LRRC71: variants seen among roughly 807,000 people sequenced by gnomAD.
LRRC71 encodes leucine-rich repeat-containing protein 71.
Under a neutral mutation model 66.6 loss-of-function variants are expected in LRRC71, and 54 were observed. That is an observed-to-expected ratio of 0.81 (90% CI 0.65 to 1.02). The LOEUF (loss-of-function observed/expected upper bound fraction) is 1.02, where lower values mean the gene tolerates loss of function less well. Ranked by LOEUF, LRRC71 falls within the 50% of genes least tolerant of loss-of-function variation. The probability of loss-of-function intolerance (pLI) is 0.00; values close to 1 mark genes in which losing one functional copy is unlikely to be tolerated. For missense variants in LRRC71, 724 were observed against 718.0 expected (o/e 1.01, Z -0.10); for synonymous variants, 323 against 303.9 (o/e 1.06, Z -0.65).
intron 12 of LRRC71, among the ~76,000 whole-genome samples, 190 bp from the exon 13 acceptor site, chr1:156,931,726 C>G (rs1444533740): frequency 6.6e-6 from 1 of 151,706 alleles, no homozygotes; most frequent in Non-Finnish European, 1.5e-5. Flanking sequence ...GTTACTTTCA[C>G]TTTCTGGCTC....
At chr1:156,930,385 G>A (rs754520241) in intron 11 of LRRC71, 144 bp from the exon 12 acceptor site, 29 of 646,968 alleles carry the variant, frequency 4.5e-5, no homozygotes, top group South Asian at 3.0e-4. Flanking sequence ...GAGCTACAGC[G>A]CCCAGCCCCC....
At chr1:156,927,108 A>G (rs1653318329) in intron 5 of LRRC71, 94 bp from the exon 6 acceptor site, 2 of 1,092,244 alleles carry the variant, frequency 1.8e-6, no homozygotes, top group East Asian at 5.2e-5. Context: ...TCTACTTCCT[A>G]GCTGCTTCCC....
downstream of LRRC71, chr1:156,936,131 T>C: frequency 6.8e-7 from 1 of 1,473,634 alleles, no homozygotes. Flanking sequence ...GTCTAGAAAG[T>C]TCAGGCTCAC....
chr1:156,937,098 G>A (rs1049753132), downstream of LRRC71: 2 of 1,566,498 alleles, frequency 1.3e-6, no homozygotes, highest in African/African-American at 1.4e-5. Flanking sequence ...GGAGGAGGGT[G>A]TGATTTAAGG....
At chr1:156,927,404 A>C (rs1189367142) in intron 6 of LRRC71, 92 bp from the exon 7 acceptor site, 11 of 1,513,866 alleles carry the variant, frequency 7.3e-6, no homozygotes, top group Non-Finnish European at 8.9e-7. Context: ...TCCTCAGACC[A>C]GACCGCCCCC....
chr1:156,940,406 C>A, the LRRC71 span: 16 of 1,606,592 alleles, frequency 1.0e-5, no homozygotes, highest in South Asian at 1.6e-4. Flanking sequence ...TCCCTTGGAC[C>A]CTCTGCTGGG....
chr1:156,931,686 T>G (rs1241808253), intron 12 of LRRC71, among the ~76,000 whole-genome samples: 1 of 152,138 alleles, frequency 6.6e-6, no homozygotes, highest in East Asian at 1.9e-4. Context: ...TGCTCTGAGC[T>G]TGCCTCTGTC....
At chr1:156,936,491 A>ATATATATATAT (rs1553192701), downstream of LRRC71, among the ~76,000 whole-genome samples, 1 of 71,394 alleles carries the variant, frequency 1.4e-5, no homozygotes, top group African/African-American at 6.1e-5. Flanking sequence ...AAAAAAAAAA[A>ATATATATATAT]AAAAAAATAT....
chr1:156,932,625 TTC>T (rs1337580797), intron 14 of LRRC71, 80 bp downstream of exon 14: 6 of 1,613,574 alleles, frequency 3.7e-6, no homozygotes, highest in African/African-American at 1.3e-5. Flanking sequence ...TGCAGGCAGC[TTC>T]TGTCTCCCCA....
downstream of LRRC71, chr1:156,935,930 C>G: frequency 6.5e-7 from 1 of 1,531,666 alleles, no homozygotes; most frequent in Non-Finnish European, 8.9e-7. Context: ...TCCCCCCTAC[C>G]CTGTGCCCCG....
chr1:156,929,165 G>T (rs1653883321), intron 9 of LRRC71, 115 bp from the exon 10 acceptor site: 3 of 1,228,124 alleles, frequency 2.4e-6, no homozygotes, highest in South Asian at 3.0e-5. Context: ...GGAGGTGGGT[G>T]GGAGGGTGCT....
chr1:156,936,850 C>G (rs1292795539), downstream of LRRC71: 6 of 1,613,962 alleles, frequency 3.7e-6, no homozygotes, highest in Non-Finnish European at 5.1e-6. Context: ...CATGGCTGTT[C>G]CTGGAGTCAG....
At chr1:156,928,179 C>G (rs1366265196) in intron 9 of LRRC71, among the ~76,000 whole-genome samples, 175 bp downstream of exon 9, 1 of 152,192 alleles carries the variant, frequency 6.6e-6, no homozygotes, top group Non-Finnish European at 1.5e-5. Flanking sequence ...GCTGGGGGGG[C>G]TCTAATTGCA....
rs1350061985 is a variant in LRRC71 at position 156,930,097 on chromosome 1, CTCT to C, written c.1240+370_1240+372del. On this transcript the variant is annotated intron_variant, in intron 11 of 14. Transcript: ENST00000337428. ...CTTTCTTTTCTTTCTTTCTTTCTCT[CTCT>C]TTTTTTTTTTTTGATGGATTCTCAC... Among the ~76,000 whole-genome samples, 27 of 30,728 alleles carry C rather than the reference CTCT, an allele frequency of 8.8e-4. No homozygotes were observed. In the South Asian group the frequency reaches 0.013, roughly 14 times the overall value. The allele number at this position is 30,728 out of a possible 152,430, so 20.2% of individuals were successfully genotyped here. A position where few individuals can be genotyped will look rare whatever the true frequency, so the allele number is the denominator to read the frequency against.
the LRRC71 span, among the ~76,000 whole-genome samples, chr1:156,938,245 C>T: frequency 6.6e-6 from 1 of 152,170 alleles, no homozygotes; most frequent in African/African-American, 2.4e-5. Flanking sequence ...GGACAGCCAG[C>T]CTTTAGAACC....
At chr1:156,924,330 G>T in intron 2 of LRRC71, 94 bp from the exon 3 acceptor site, 3 of 1,474,698 alleles carry the variant, frequency 2.0e-6, no homozygotes, top group Non-Finnish European at 2.7e-6. Flanking sequence ...CCCCTCTGGC[G>T]GTGTCCTCCA....
the LRRC71 span, chr1:156,938,321 G>GGT: frequency 2.0e-5 from 22 of 1,108,766 alleles, 1 homozygote; most frequent in Middle Eastern, 4.1e-4. Flanking sequence ...GGAGCTTGTG[G>GGT]GTGTGTGTGT....
chr1:156,930,026 T>TTC (rs1654036206), intron 11 of LRRC71, among the ~76,000 whole-genome samples: 2 of 117,706 alleles, frequency 1.7e-5, no homozygotes, highest in African/African-American at 8.5e-5. Flanking sequence ...TTTTCTTTTC[T>TTC]TTTCTTTTTC....
chr1:156,930,409 A>G, intron 11 of LRRC71, 120 bp from the exon 12 acceptor site: 3 of 784,520 alleles, frequency 3.8e-6, no homozygotes, highest in Non-Finnish European at 6.3e-6. Flanking sequence ...AGCCATTTCT[A>G]TTGCACCCAA....
Sources: allele counts gnomAD v4.1 joint callset (sites outside exome capture counted in the v4.1 genomes callset), GRCh38; gene constraint gnomAD v4.1.1; transcripts MANE v1.5; gene names NCBI Gene and HGNC (gene_info 2026-07-23, HGNC 2026-07-21).